The following CSMD3 variants were observed in gnomAD, a reference collection of about 807,000 sequenced individuals.
The protein encoded by CSMD3 is CUB and Sushi multiple domains 3.
A neutral mutation model predicts 435.2 loss-of-function variants in CSMD3; 177 were observed. The observed-to-expected ratio is 0.41, with a 90% CI of 0.36 to 0.46. The LOEUF (loss-of-function observed/expected upper bound fraction) is 0.46. CSMD3 is among the 20% of genes least tolerant of loss of function. The pLI, the probability that CSMD3 is intolerant of heterozygous loss-of-function variation, is 0.34. For synonymous variants in CSMD3, 1,656 were observed against 1,520.5 expected (o/e 1.09, Z -2.07); for missense variants, 4,265 against 4,504.6 (o/e 0.95, Z 1.52).
At chr8:113,292,924 T>A (rs56388157) in intron 2 of CSMD3, among the ~76,000 whole-genome samples, 20,261 of 151,172 alleles carry the variant, frequency 0.13, 1,615 homozygotes, top group Middle Eastern at 0.21. Flanking sequence ...TGAAAAAAAA[T>A]TTTGCTAAAT....
intron 35 of CSMD3, among the ~76,000 whole-genome samples, chr8:112,398,044 A>G (rs1830999166): frequency 6.6e-6 from 1 of 152,212 alleles, no homozygotes; most frequent in African/African-American, 2.4e-5. Flanking sequence ...TCTACTTTCA[A>G]AACACAATGA....
chr8:113,184,287 G>T lies in CSMD3; in HGVS notation c.515-10371C>A, dbSNP rs553591403. 2.5e-3 allele frequency among the ~76,000 whole-genome samples: 381 copies of T among 152,036 alleles called. 1 individual carries two copies. Among genetic ancestry groups the T allele is most frequent in the Non-Finnish European group, 4.1e-3 (280 of 67,958 alleles). ...GCACTTCATGCCCCATTCTTTTGAG[G>T]TGTTTATGGAGGCTTTATTAAAGAG... On this transcript the variant is annotated intron_variant, in intron 3 of 70. Transcript: ENST00000297405.
chr8:113,084,686 G>T (rs1385447755), intron 5 of CSMD3, among the ~76,000 whole-genome samples: 5 of 146,738 alleles, frequency 3.4e-5, no homozygotes, highest in African/African-American at 1.2e-4. Flanking sequence ...AAAATCCATG[G>T]ACATCACACT....
Position 112,899,032 on chromosome 8 carries a change from T to G in CSMD3, c.1633+22595A>C, listed in dbSNP as rs2082028297. Among the ~76,000 whole-genome samples the G allele has an allele frequency of 2.6e-5, 4 of 151,354 alleles. No individual in the cohort carries two copies. In the South Asian group the frequency reaches 8.3e-4, roughly 31 times the overall value. On this transcript the variant is annotated intron_variant, in intron 10 of 70. Transcript: ENST00000297405. Reference sequence around the variant, plus strand: ...AAATGAGTGACACAAATGCATAAGATCAATGAGCTTAATTTCAATTTCTTA... The same window carrying G: ...AAATGAGTGACACAAATGCATAAGAGCAATGAGCTTAATTTCAATTTCTTA...
rs138068999 is a variant in CSMD3, at chr8:112,517,204, C to T, written c.4586G>A (p.Arg1529His). ...QFSSSVATAC[R>H]DPGVPMNGTR... ...CCCATTCATGGGGACCCCTGGGTCACGACACGCAGTGGCAACAGAACCTAT... is the reference window on the plus strand; with the variant it reads ...CCCATTCATGGGGACCCCTGGGTCATGACACGCAGTGGCAACAGAACCTAT... The change falls in exon 28 of 71, where the codon CGT (arginine) becomes CAT (histidine). Residue 1529 changes from arginine (R) to histidine (H), a missense_variant. By Grantham distance (29) the Arg-to-His change is conservative. This residue lies in a region of CSMD3 where 3,255 missense variants were observed against 3,380.2 expected (regional missense o/e 0.96). Coordinates refer to ENST00000297405, the MANE Select transcript of CSMD3 (RefSeq NM_198123.2). 7.1e-5 allele frequency: 114 copies of T among 1,613,492 alleles called. No homozygotes were observed. Among genetic ancestry groups the T allele is most frequent in the Non-Finnish European group, 6.6e-5 (78 of 1,179,774 alleles).
chr8:112,841,996 A>T (rs1318399272), intron 11 of CSMD3, among the ~76,000 whole-genome samples: 1 of 151,822 alleles, frequency 6.6e-6, no homozygotes, highest in Non-Finnish European at 1.5e-5. Context: ...AATCATCCAA[A>T]TGACTCTCCT....
At chr8:113,183,409 C>T (rs886380800) in intron 3 of CSMD3, among the ~76,000 whole-genome samples, 1 of 151,996 alleles carries the variant, frequency 6.6e-6, no homozygotes, top group African/African-American at 2.4e-5. Flanking sequence ...AAGGAACACT[C>T]TTCCCAACCC....
chr8:112,503,210 T>C (rs562136754), intron 30 of CSMD3, among the ~76,000 whole-genome samples: 1 of 152,176 alleles, frequency 6.6e-6, no homozygotes, highest in Non-Finnish European at 1.5e-5. Context: ...GCTTCTTGAG[T>C]AGCTGGGACT....
chr8:113,302,293 TAATATAA>T (rs1563672565), intron 2 of CSMD3, among the ~76,000 whole-genome samples: 29 of 7,790 alleles, frequency 3.7e-3, no homozygotes, highest in Admixed American at 9.8e-3. Flanking sequence ...ATATATAATA[TAATATAA>T]TATATATATT....
At chr8:112,872,165 C>T (rs1182358366) in intron 10 of CSMD3, among the ~76,000 whole-genome samples, 1 of 151,980 alleles carries the variant, frequency 6.6e-6, no homozygotes, top group African/African-American at 2.4e-5. Flanking sequence ...CTATTTAAAT[C>T]AGCATCTGGA....
chr8:112,640,077 C>G (rs2074780540), intron 20 of CSMD3, among the ~76,000 whole-genome samples: 1 of 152,118 alleles, frequency 6.6e-6, no homozygotes, highest in Admixed American at 6.6e-5. Context: ...ACTTGAAAAT[C>G]TGGGGCTTTT....
intron 4 of CSMD3, among the ~76,000 whole-genome samples, chr8:113,140,864 C>T (rs903640146): frequency 6.6e-6 from 1 of 150,650 alleles, no homozygotes; most frequent in Non-Finnish European, 1.5e-5. Context: ...AGCAAACAAC[C>T]TCAAAGTAAG....
At chr8:113,179,745 AAGGACTAT>A (rs1468267379) in intron 3 of CSMD3, among the ~76,000 whole-genome samples, 5 of 151,874 alleles carry the variant, frequency 3.3e-5, no homozygotes, top group Admixed American at 6.6e-5. Context: ...AGCATATATA[AAGGACTAT>A]AGGAGAACAA....
intron 12 of CSMD3, among the ~76,000 whole-genome samples, chr8:112,817,337 C>A (rs1196983094): frequency 6.6e-6 from 1 of 151,996 alleles, no homozygotes. Flanking sequence ...AATCTCAAGG[C>A]CAGTAATTGC....
chr8:113,261,851 T>C (rs936135696), intron 3 of CSMD3, among the ~76,000 whole-genome samples: 4 of 152,088 alleles, frequency 2.6e-5, no homozygotes, highest in Admixed American at 6.6e-5. Flanking sequence ...GAAAAGATAC[T>C]AGCTAACATA....
At chr8:113,130,917 GAGAC>G (rs1467468013) in intron 4 of CSMD3, among the ~76,000 whole-genome samples, 1 of 152,158 alleles carries the variant, frequency 6.6e-6, no homozygotes, top group African/African-American at 2.4e-5. Context: ...CTTTAGCAAA[GAGAC>G]AGGCAGCATA....
chr8:112,770,100 T>C (rs183468223), intron 13 of CSMD3, among the ~76,000 whole-genome samples: 2 of 152,178 alleles, frequency 1.3e-5, no homozygotes, highest in African/African-American at 4.8e-5. Flanking sequence ...GTCTGTCTTA[T>C]TAATCTTCTT....
At chr8:112,598,485 C>A (rs540757965) in intron 22 of CSMD3, among the ~76,000 whole-genome samples, 1 of 148,310 alleles carries the variant, frequency 6.7e-6, no homozygotes, top group African/African-American at 2.5e-5. Context: ...ATAAAGCTAC[C>A]AATGACTTTC....
intron 35 of CSMD3, among the ~76,000 whole-genome samples, chr8:112,404,882 A>G (rs565033254): frequency 2.2e-3 from 341 of 151,900 alleles, no homozygotes; most frequent in African/African-American, 7.9e-3. Context: ...TTTATTTTAA[A>G]AAGTATTATT....
Sources: allele counts gnomAD v4.1 joint callset (sites outside exome capture counted in the v4.1 genomes callset), GRCh38; gene constraint gnomAD v4.1.1; regional missense constraint gnomAD v4.1.1; transcripts MANE v1.5; gene names NCBI Gene and HGNC (gene_info 2026-07-23, HGNC 2026-07-21).